Variants in ITGA9 observed in about 807,000 individuals in gnomAD.
The protein encoded by ITGA9 is integrin subunit alpha 9.
ITGA9 carries 56 observed loss-of-function variants against 127.8 expected under a neutral mutation model. The ratio of observed to expected loss-of-function variants is 0.44; its 90% confidence interval spans 0.35 to 0.55. The LOEUF (loss-of-function observed/expected upper bound fraction) is 0.55. Ranked by LOEUF, ITGA9 falls within the 20% of genes least tolerant of loss-of-function variation. The pLI is 0.00. For synonymous variants in ITGA9, 508 were observed against 514.5 expected (o/e 0.99, Z 0.17); for missense variants, 1,196 against 1,347.1 (o/e 0.89, Z 1.76).
chr3:37,743,420 G>T (rs1696461674), intron 21 of ITGA9, among the ~76,000 whole-genome samples: 1 of 152,194 alleles, frequency 6.6e-6, no homozygotes, highest in Admixed American at 6.5e-5. Context: ...AAATCCAAGG[G>T]AAAATGCTAT....
intron 15 of ITGA9, among the ~76,000 whole-genome samples, chr3:37,615,244 T>A (rs1344370454): frequency 1.3e-5 from 2 of 152,200 alleles, no homozygotes; most frequent in Non-Finnish European, 2.9e-5. Context: ...TTGTCGCTGG[T>A]TCTGTTTATA....
At chr3:37,457,373 G>C (rs1482608859) in intron 1 of ITGA9, among the ~76,000 whole-genome samples, 1 of 152,182 alleles carries the variant, frequency 6.6e-6, no homozygotes, top group African/African-American at 2.4e-5. Flanking sequence ...GAGTTGTTCA[G>C]AGGGGCAGAA....
At chr3:37,619,253 C>T (rs1022215691) in intron 15 of ITGA9, among the ~76,000 whole-genome samples, 1 of 152,144 alleles carries the variant, frequency 6.6e-6, no homozygotes. Context: ...TCCTGGAGTG[C>T]TAGGGTGACC....
chr3:37,722,457 T>C (rs1488613829), intron 18 of ITGA9, among the ~76,000 whole-genome samples: 1 of 152,220 alleles, frequency 6.6e-6, no homozygotes, highest in African/African-American at 2.4e-5. Context: ...TTCTTAGCTG[T>C]CGTACCCCTT....
At chr3:37,538,210 G>T (rs1264530679) in intron 14 of ITGA9, among the ~76,000 whole-genome samples, 1 of 152,226 alleles carries the variant, frequency 6.6e-6, no homozygotes, top group Non-Finnish European at 1.5e-5. Context: ...AGGAGAATTT[G>T]TTAGAATTTC....
At chr3:37,701,061 G>T (rs990437763) in intron 18 of ITGA9, among the ~76,000 whole-genome samples, 3 of 152,166 alleles carry the variant, frequency 2.0e-5, no homozygotes, top group African/African-American at 7.2e-5. Flanking sequence ...TGTGCCTTCA[G>T]GGGTGACAGA....
chr3:37,525,039 T>C (rs1261643871), intron 12 of ITGA9, among the ~76,000 whole-genome samples: 1 of 152,382 alleles, frequency 6.6e-6, no homozygotes, highest in East Asian at 1.9e-4. Flanking sequence ...ATATAGATGC[T>C]CAGTGCATTT....
At chr3:37,481,333 C>A in intron 3 of ITGA9, 151 bp from the exon 4 acceptor site, 2 of 963,080 alleles carry the variant, frequency 2.1e-6, no homozygotes, top group Non-Finnish European at 3.3e-6. Context: ...TTTTCTGATG[C>A]CCAGAAAAGT....
chr3:37,693,215 A>G (rs949110476), intron 18 of ITGA9, among the ~76,000 whole-genome samples: 2 of 152,144 alleles, frequency 1.3e-5, no homozygotes, highest in Non-Finnish European at 2.9e-5. Flanking sequence ...TCCTTGAGAG[A>G]CTGAGATAGA....
At chr3:37,790,852 A>C (rs1319884519) in intron 26 of ITGA9, 2 of 152,326 alleles carry the variant, frequency 1.3e-5, no homozygotes, top group Admixed American at 6.5e-5. Flanking sequence ...CCTTTCAGGG[A>C]GTGATGAGTA....
At chr3:37,480,436 T>C (rs1409111224) in intron 3 of ITGA9, among the ~76,000 whole-genome samples, 1 of 152,208 alleles carries the variant, frequency 6.6e-6, no homozygotes, top group Non-Finnish European at 1.5e-5. Context: ...CCCTTGGCCA[T>C]GAACCTTCCT....
intron 16 of ITGA9, among the ~76,000 whole-genome samples, chr3:37,638,278 A>G (rs1269173009): frequency 6.6e-6 from 1 of 152,028 alleles, no homozygotes; most frequent in Middle Eastern, 3.2e-3. Flanking sequence ...GGAGAGGAGG[A>G]CTCAGTATGG....
Position 37,567,139 on chromosome 3 carries a change from C to T in ITGA9, c.1689+24554C>T, listed in dbSNP as rs150749532. Among the ~76,000 whole-genome samples the T allele has an allele frequency of 5.3e-3, 810 of 152,322 alleles. 8 individuals carry two copies. The highest frequency in any genetic ancestry group is 0.018 in the African/African-American group (763 of 41,558). The stretch of plus-strand genomic sequence containing the variant: ...TAAAGAACAAGAGGTTTAATGAACG[C>T]ACAGTTCCACATGACTGGGGAAGCC... On this transcript the variant is annotated intron_variant, in intron 15 of 27. Transcript: ENST00000264741.
chr3:37,753,009 T>C (rs187018473), intron 23 of ITGA9, among the ~76,000 whole-genome samples: 5 of 152,218 alleles, frequency 3.3e-5, no homozygotes, highest in Admixed American at 2.6e-4. Flanking sequence ...GGAAAGACTA[T>C]CAATTTTCAC....
At chr3:37,785,366 T>C (rs989283044) in intron 26 of ITGA9, among the ~76,000 whole-genome samples, 1 of 152,216 alleles carries the variant, frequency 6.6e-6, no homozygotes, top group African/African-American at 2.4e-5. Context: ...TCAACAGAGT[T>C]GGATTTCCAC....
chr3:37,736,978 T>C lies in ITGA9; in HGVS notation c.2229T>C (p.Ala743=). ...AAGTTCTCAGCTTCATTGTTACTGC[T>C]CAGAGGTAAGGGGGGGGTTTAAACA... is the stretch of plus-strand genomic sequence containing the variant. ...EEEVLSFIVT[A]QSGNTERSES... Residue 743 remains alanine (A), a synonymous_variant, in exon 20 of 28, where the codon GCT becomes GCC. Coordinates refer to ENST00000264741, the MANE Select transcript of ITGA9 (RefSeq NM_002207.3). 6.2e-7 allele frequency: 1 copy of C among 1,606,848 alleles called. No homozygotes were observed. The highest frequency in any genetic ancestry group is 8.5e-7 in the Non-Finnish European group (1 of 1,173,528).
chr3:37,549,504 A>G (rs1238596704), intron 15 of ITGA9, among the ~76,000 whole-genome samples: 1 of 152,214 alleles, frequency 6.6e-6, no homozygotes, highest in Non-Finnish European at 1.5e-5. Flanking sequence ...TTATTTTAAG[A>G]GGTGACTTTC....
At chr3:37,582,682 C>G (rs1206472013) in intron 15 of ITGA9, among the ~76,000 whole-genome samples, 7 of 152,090 alleles carry the variant, frequency 4.6e-5, no homozygotes, top group African/African-American at 7.2e-5. Context: ...TCTGTACAAT[C>G]CCATTAAGTT....
intron 26 of ITGA9, among the ~76,000 whole-genome samples, chr3:37,795,763 C>T (rs1487727913): frequency 6.6e-6 from 1 of 152,192 alleles, no homozygotes; most frequent in Non-Finnish European, 1.5e-5. Flanking sequence ...TCTCCTCCTC[C>T]TCAGTCAATC....
Sources: gnomAD v4.1 joint callset for allele counts (sites outside exome capture counted in the v4.1 genomes callset) on GRCh38, gnomAD v4.1.1 for gene constraint, MANE v1.5 for transcripts, NCBI Gene and HGNC (gene_info 2026-07-23, HGNC 2026-07-21) for gene names.